The following PHLDB2 variants were observed in gnomAD, a reference collection of about 807,000 sequenced individuals.
PHLDB2 encodes pleckstrin homology-like domain family B member 2.
PHLDB2 carries 71 observed loss-of-function variants against 123.6 expected under a neutral mutation model. That is an observed-to-expected ratio of 0.57 (90% CI 0.47 to 0.70). The LOEUF (loss-of-function observed/expected upper bound fraction) is 0.70. Among genes scored for constraint, PHLDB2 ranks in the 30% least tolerant of loss-of-function variants. PHLDB2 has a pLI of 0.00. For synonymous variants in PHLDB2, 547 were observed against 541.6 expected, an observed-to-expected ratio of 1.01 and a Z score of -0.14; for missense variants, 1,446 against 1,519.5, an observed-to-expected ratio of 0.95 and a Z score of 0.80.
chr3:111,949,742 C>T, intron 10 of PHLDB2: 1 of 985,858 alleles, frequency 1.0e-6, no homozygotes, highest in East Asian at 1.1e-4. Flanking sequence ...TTTCCTTCCG[C>T]TCTTTCTCCT....
intron 1 of PHLDB2, among the ~76,000 whole-genome samples, chr3:111,782,446 A>C (rs936847257): frequency 6.6e-6 from 1 of 152,146 alleles, no homozygotes; most frequent in Non-Finnish European, 1.5e-5. Context: ...CTTTGAGCTC[A>C]AAAGCTCAAG....
At position 111,955,542 on chromosome 3, in the gene PHLDB2, C is replaced by G. The variant is rs370002967; in HGVS notation, c.2872+1513C>G. 3.9e-5 allele frequency among the ~76,000 whole-genome samples: 6 copies of G among 152,104 alleles called. No individual in the cohort carries two copies. In the East Asian group the frequency reaches 1.2e-3, roughly 29 times the overall value. ...TATAGCTCACTGCAAACTCTGCCACCTGGGTTCAAGTGATCCTCCCACCTC... is the reference window on the plus strand; with the variant it reads ...TATAGCTCACTGCAAACTCTGCCACGTGGGTTCAAGTGATCCTCCCACCTC... On this transcript the variant is annotated intron_variant, in intron 12 of 17. Transcript: ENST00000431670.
At chr3:111,759,336 A>G (rs2108004144) in intron 1 of PHLDB2, among the ~76,000 whole-genome samples, 1 of 152,318 alleles carries the variant, frequency 6.6e-6, no homozygotes, top group East Asian at 1.9e-4. Context: ...GTGGAAGGAC[A>G]AACTAGCTCT....
intron 1 of PHLDB2, among the ~76,000 whole-genome samples, chr3:111,811,640 C>T (rs1209295278): frequency 6.6e-6 from 1 of 151,994 alleles, no homozygotes; most frequent in Non-Finnish European, 1.5e-5. Flanking sequence ...ATAGATTCCT[C>T]ACTACACACA....
rs539728642 is a variant in PHLDB2 at position 111,931,525 on chromosome 3, G to A, written c.2002-744G>A. On this transcript the variant is annotated intron_variant, in intron 5 of 17. Transcript: ENST00000431670. ...GACTCTTTTCTTTTTTTCACAGTCC[G>A]TGTTTCAGTTTATTTTTATGTCAGT... 4.5e-4 allele frequency among the ~76,000 whole-genome samples: 69 copies of A among 152,002 alleles called. 2 individuals are homozygous for A. The highest frequency in any genetic ancestry group is 7.9e-4 in the Non-Finnish European group (54 of 67,980).
At chr3:111,888,283 TA>T (rs1360085558) in intron 2 of PHLDB2, among the ~76,000 whole-genome samples, 2 of 152,120 alleles carry the variant, frequency 1.3e-5, no homozygotes, top group South Asian at 2.1e-4. Flanking sequence ...TTTGTAAAAT[TA>T]AAGACAAATC....
chr3:111,738,767 A>G (rs2059551590), intron 1 of PHLDB2, among the ~76,000 whole-genome samples: 1 of 152,196 alleles, frequency 6.6e-6, no homozygotes, highest in Non-Finnish European at 1.5e-5. Flanking sequence ...TCAGCTAGGA[A>G]TTTAATCAAG....
At chr3:111,845,592 G>A (rs150776176) in intron 1 of PHLDB2, among the ~76,000 whole-genome samples, 20 of 152,236 alleles carry the variant, frequency 1.3e-4, no homozygotes, top group Non-Finnish European at 2.8e-4. Flanking sequence ...ATAAAAGTGT[G>A]CTTTTGTTGT....
Position 111,780,399 on chromosome 3 carries a change from A to AGAAGAAGAAGAGGAAGAAGAAGAAGAAG in PHLDB2, c.-49+47707_-49+47708insGGAAGAAGAAGAAGAAGGAAGAAGAAGA, listed in dbSNP as rs1576575679. ...AAGAAGAAGAAGAAGAAGAAGAAGA[A>AGAAGAAGAAGAGGAAGAAGAAGAAGAAG]GAAGAAGAAGAAAAAGATTAGTTCG... On this transcript the variant is annotated intron_variant, in intron 1 of 17. Coordinates refer to the PHLDB2 transcript ENST00000393923. 1.7e-3 allele frequency among the ~76,000 whole-genome samples: 123 copies of AGAAGAAGAAGAGGAAGAAGAAGAAGAAG among 74,452 alleles called. 32 individuals are homozygous for AGAAGAAGAAGAGGAAGAAGAAGAAGAAG. The highest frequency in any genetic ancestry group is 2.9e-3 in the Non-Finnish European group (99 of 34,318). 48.8% of individuals were successfully genotyped at this position (74,452 alleles called of 152,430 possible). A position where few individuals can be genotyped will look rare whatever the true frequency, so the allele number is the denominator to read the frequency against.
chr3:111,803,054 C>G (rs1385443015), intron 1 of PHLDB2, among the ~76,000 whole-genome samples: 1 of 152,160 alleles, frequency 6.6e-6, no homozygotes, highest in East Asian at 1.9e-4. Flanking sequence ...TTATACTAAT[C>G]TCTAGAAACA....
intron 1 of PHLDB2, among the ~76,000 whole-genome samples, chr3:111,843,494 C>T: frequency 6.6e-6 from 1 of 152,158 alleles, no homozygotes; most frequent in East Asian, 1.9e-4. Context: ...GGGCTCAAGC[C>T]ATCCTCCTGC....
intron 1 of PHLDB2, among the ~76,000 whole-genome samples, chr3:111,816,343 C>A (rs1036360572): frequency 1.3e-5 from 2 of 152,190 alleles, no homozygotes; most frequent in African/African-American, 4.8e-5. Context: ...TCAATGACAG[C>A]CCGTAAAGGG....
rs1320156403 is a variant in PHLDB2, at chr3:111,939,538, C to T, written c.2194C>T (p.His732Tyr). 1.2e-6 allele frequency: 2 copies of T among 1,613,710 alleles called. No homozygotes were observed. The highest frequency in any genetic ancestry group is 1.7e-6 in the Non-Finnish European group (2 of 1,179,864). The change falls in exon 7 of 18, where the codon CAT becomes TAT. Residue 732 changes from histidine (H) to tyrosine (Y), a missense_variant. By Grantham distance (83) the His-to-Tyr change is moderately conservative. Transcript: ENST00000431670. ...AGACCTGGAGTTCCAGCAGCTTGAA[C>T]ATGAGAGCCGTCTAGATGAAGAAAA... The part of the protein sequence containing the change: ...FEDLEFQQLE[H>Y]ESRLDEEKEN...
At chr3:111,967,855 A>G (rs1184759741) in intron 15 of PHLDB2, 31 bp downstream of exon 15, 1 of 1,563,140 alleles carries the variant, frequency 6.4e-7, no homozygotes, top group Non-Finnish European at 8.6e-7. Flanking sequence ...GCATATGGGC[A>G]GGTTGCCCCC....
chr3:111,750,044 T>C (rs1368337541), intron 1 of PHLDB2, among the ~76,000 whole-genome samples: 4 of 152,184 alleles, frequency 2.6e-5, no homozygotes, highest in Admixed American at 1.3e-4. Flanking sequence ...AAACTGCATA[T>C]TATCAAGGCA....
At chr3:111,855,404 TCTTCCTTC>T (rs148886147), upstream of PHLDB2, among the ~76,000 whole-genome samples, 4 of 151,300 alleles carry the variant, frequency 2.6e-5, no homozygotes, top group Admixed American at 2.6e-4. Context: ...ACTCTCTCTT[TCTTCCTTC>T]CTTCCTTCCT....
intron 2 of PHLDB2, among the ~76,000 whole-genome samples, chr3:111,848,829 C>T (rs891730251): frequency 2.6e-5 from 4 of 152,212 alleles, no homozygotes; most frequent in Non-Finnish European, 4.4e-5. Context: ...CATTATATTA[C>T]AGTTGCCTAC....
intron 2 of PHLDB2, among the ~76,000 whole-genome samples, chr3:111,898,923 C>T (rs1251265190): frequency 6.6e-6 from 1 of 152,222 alleles, no homozygotes; most frequent in Non-Finnish European, 1.5e-5. Context: ...TCCATAAGGA[C>T]TGGAATCAAC....
chr3:111,771,258 A>C (rs544354801), intron 1 of PHLDB2, among the ~76,000 whole-genome samples: 1 of 152,256 alleles, frequency 6.6e-6, no homozygotes, highest in South Asian at 2.1e-4. Context: ...GTTTGGGAGA[A>C]TCTCTTCTAT....
Sources: allele counts gnomAD v4.1 joint callset (sites outside exome capture counted in the v4.1 genomes callset), GRCh38; gene constraint gnomAD v4.1.1; transcripts MANE v1.5; gene names NCBI Gene and HGNC (gene_info 2026-07-23, HGNC 2026-07-21).